Variants in EPHB3 observed in about 807,000 individuals in gnomAD.
EPHB3 encodes ephrin type-B receptor 3.
EPHB3 carries 33 observed loss-of-function variants against 100.2 expected under a neutral mutation model. That is an observed-to-expected ratio of 0.33 (90% CI 0.25 to 0.44). The LOEUF is 0.44. Ranked by LOEUF, EPHB3 falls within the 20% of genes least tolerant of loss-of-function variation. The pLI, the probability that EPHB3 is intolerant of heterozygous loss-of-function variation, is 1.00. For synonymous variants in EPHB3, 526 were observed against 554.7 expected, an observed-to-expected ratio of 0.95 and a Z score of 0.73; for missense variants, 1,045 against 1,378.3, an observed-to-expected ratio of 0.76 and a Z score of 3.83.
At chr3:184,568,262 C>T (rs545303320) in intron 1 of EPHB3, among the ~76,000 whole-genome samples, 1 of 152,314 alleles carries the variant, frequency 6.6e-6, no homozygotes, top group East Asian at 1.9e-4. Flanking sequence ...GGCCTGGTGA[C>T]TACCTCCCTG....
rs907276705 is a variant in EPHB3 at position 184,568,116 on chromosome 3, G to A, written c.119-3202G>A. On this transcript the variant is annotated intron_variant, in intron 1 of 15. Coordinates refer to ENST00000330394, the MANE Select transcript of EPHB3 (RefSeq NM_004443.4). ...CAGCCCCCAGGACTGGATGCTGCGC[G>A]TGCATCTGTGTGTTTGTGCATGGGT... Among the ~76,000 whole-genome samples, 6 of 152,214 alleles carry A rather than the reference G, an allele frequency of 3.9e-5. No homozygotes were observed. The East Asian group carries it at 9.7e-4, about 25-fold the overall frequency.
rs1032219315 is a variant in EPHB3 at position 184,563,325 on chromosome 3, T to G, written c.118+972T>G. Among the ~76,000 whole-genome samples, 1 of 152,042 alleles carries G rather than the reference T, an allele frequency of 6.6e-6. No homozygotes were observed. Among genetic ancestry groups the G allele is most frequent in the African/African-American group, 2.4e-5 (1 of 41,386 alleles). On this transcript the variant is annotated intron_variant, in intron 1 of 15. Coordinates refer to ENST00000330394, the MANE Select transcript of EPHB3 (RefSeq NM_004443.4). This position sits in a 1 kb window ranked among gnomAD's most constrained non-coding sequence, Gnocchi z 4.1. ...AATGAGAGAGGGTCAGAACCTTCCC[T>G]AAAGTGGAGGGAGGGACGCCACAGA...
At chr3:184,566,439 G>A (rs534890978) in intron 1 of EPHB3, among the ~76,000 whole-genome samples, 27 of 152,370 alleles carry the variant, frequency 1.8e-4, no homozygotes, top group African/African-American at 6.5e-4. Flanking sequence ...CCAAGGGGCT[G>A]TGGCAGGAAA....
chr3:184,568,594 C>A (rs1029997616), intron 1 of EPHB3, among the ~76,000 whole-genome samples: 2 of 97,274 alleles, frequency 2.1e-5, no homozygotes, highest in Admixed American at 1.7e-4. Flanking sequence ...GTTCTATGAC[C>A]CCCCCCCCAC....
rs1286645585 is a variant in EPHB3 at position 184,580,719 on chromosome 3, C to A, written c.2389-10C>A. The A allele has an allele frequency of 6.2e-7, 1 of 1,613,364 alleles. No individual in the cohort carries two copies. The highest frequency in any genetic ancestry group is 1.3e-5 in the African/African-American group (1 of 74,912). On this transcript the variant is annotated splice_polypyrimidine_tract_variant and intron_variant, in intron 12 of 15. Coordinates refer to ENST00000330394, the MANE Select transcript of EPHB3 (RefSeq NM_004443.4). ...GTCACAGGGTGAAGGGCCTGTGCCC[C>A]CCTCACCAGGGCGGGAAGATCCCCA... is the stretch of plus-strand genomic sequence containing the variant.
At position 184,571,619 on chromosome 3, in the gene EPHB3, A is replaced by AGCTCCC. The variant is rs1478335800; in HGVS notation, c.183+244_183+249dup. On this transcript the variant is annotated intron_variant, in intron 2 of 15. Coordinates refer to ENST00000330394, the MANE Select transcript of EPHB3 (RefSeq NM_004443.4). This position sits in a 1 kb window ranked among gnomAD's most constrained non-coding sequence, Gnocchi z 5.0. ...ACCCCTCTGCCTGCCTGTGCCCCCC[A>AGCTCCC]GCTCCCGCTCCCTCTCCCTCTCTTC... Among the ~76,000 whole-genome samples the AGCTCCC allele has an allele frequency of 6.6e-6, 1 of 151,128 alleles. No homozygotes were observed. Among genetic ancestry groups the AGCTCCC allele is most frequent in the Non-Finnish European group, 1.5e-5 (1 of 67,732 alleles).
rs946839436 is a variant in EPHB3, at chr3:184,565,285, T to C, written c.118+2932T>C. 2.6e-5 allele frequency among the ~76,000 whole-genome samples: 4 copies of C among 152,116 alleles called. No individual in the cohort carries two copies. Among genetic ancestry groups the C allele is most frequent in the African/African-American group, 9.7e-5 (4 of 41,410 alleles). On this transcript the variant is annotated intron_variant, in intron 1 of 15. Coordinates refer to ENST00000330394, the MANE Select transcript of EPHB3 (RefSeq NM_004443.4). The surrounding 1 kb of genome is among the most constrained non-coding windows in gnomAD (Gnocchi z 4.8). ...AGGGCCACCTTGTCACCCACTGGTCTTTTGAGTAATGTTCCCCAGTTCCCC... is the reference window on the plus strand; with the variant it reads ...AGGGCCACCTTGTCACCCACTGGTCCTTTGAGTAATGTTCCCCAGTTCCCC...
chr3:184,562,217 T>A lies in EPHB3; in HGVS notation c.-19T>A. The A allele has an allele frequency of 1.4e-6, 1 of 732,210 alleles. No homozygotes were observed. Among genetic ancestry groups the A allele is most frequent in the African/African-American group, 1.9e-5 (1 of 52,654 alleles). 45.4% of individuals were successfully genotyped at this position (732,210 alleles called of 1,614,324 possible). A position where few individuals can be genotyped will look rare whatever the true frequency, so the allele number is the denominator to read the frequency against. Reference sequence around the variant, plus strand: ...CCGGCCCGGCGCGGCCCGGCTCGGCTCCTAGAGCTGCCACGGCCATGGCCA... The same window carrying A: ...CCGGCCCGGCGCGGCCCGGCTCGGCACCTAGAGCTGCCACGGCCATGGCCA... On this transcript the variant is annotated 5_prime_UTR_variant, in exon 1 of 16. Coordinates refer to ENST00000330394, the MANE Select transcript of EPHB3 (RefSeq NM_004443.4). The surrounding 1 kb of genome is among the most constrained non-coding windows in gnomAD (Gnocchi z 4.8).
In EPHB3 at chr3:184,581,242, T is replaced by G; in HGVS notation, c.2733-11T>G. ...TTCAAGACTCACCAGGTCCTTCTCT[T>G]CTTCCCACAGCATGTCACAGCCCCT... On this transcript the variant is annotated splice_polypyrimidine_tract_variant and intron_variant, in intron 14 of 15. Transcript: ENST00000330394. The G allele has an allele frequency of 3.8e-6, 6 of 1,597,730 alleles. No individual in the cohort carries two copies. The highest frequency in any genetic ancestry group is 5.1e-6 in the Non-Finnish European group (6 of 1,170,390).
rs760394404 is a variant in EPHB3 at position 184,579,451 on chromosome 3, C to G, written c.1802-26C>G. On this transcript the variant is annotated intron_variant, in intron 9 of 15. Transcript: ENST00000330394. The surrounding 1 kb of genome is among the most constrained non-coding windows in gnomAD (Gnocchi z 5.2). Reference sequence around the variant, plus strand: ...GGAGAGGCTGGCTTGACGTTACCCTCTCACGCCCACCTCTTCTCCCTCCAG... The same window carrying G: ...GGAGAGGCTGGCTTGACGTTACCCTGTCACGCCCACCTCTTCTCCCTCCAG... 1.9e-6 allele frequency: 3 copies of G among 1,609,690 alleles called. No homozygotes were observed. Among genetic ancestry groups the G allele is most frequent in the Non-Finnish European group, 2.5e-6 (3 of 1,176,482 alleles).
chr3:184,563,163 G>A lies in EPHB3; in HGVS notation c.118+810G>A, dbSNP rs887777117. On this transcript the variant is annotated intron_variant, in intron 1 of 15. Transcript: ENST00000330394. The surrounding 1 kb of genome is among the most constrained non-coding windows in gnomAD (Gnocchi z 4.1). Reference sequence around the variant, plus strand: ...GTACTTGGATGAACAGCCCGGCGTTGTTGGCGCTGGCAGGAGAGCTCACAC... The same window carrying A: ...GTACTTGGATGAACAGCCCGGCGTTATTGGCGCTGGCAGGAGAGCTCACAC... Among the ~76,000 whole-genome samples the A allele has an allele frequency of 6.6e-6, 1 of 152,240 alleles. No homozygotes were observed. Among genetic ancestry groups the A allele is most frequent in the African/African-American group, 2.4e-5 (1 of 41,458 alleles).
chr3:184,580,252 A>G, intron 11 of EPHB3, 150 bp from the exon 12 acceptor site: 1 of 967,218 alleles, frequency 1.0e-6, no homozygotes, highest in South Asian at 1.5e-5. Context: ...CTTGACACAT[A>G]GTAGGGCAGC....
chr3:184,562,477 T>G lies in EPHB3; in HGVS notation c.118+124T>G. On this transcript the variant is annotated intron_variant, in intron 1 of 15. Coordinates refer to ENST00000330394, the MANE Select transcript of EPHB3 (RefSeq NM_004443.4). This position sits in a 1 kb window ranked among gnomAD's most constrained non-coding sequence, Gnocchi z 4.8. Reference sequence around the variant, plus strand: ...AGGAGGCCCCGCCACCGGCGCCCGCTCCGGGGCCCAGGGATGGGGTGGGGA... The same window carrying G: ...AGGAGGCCCCGCCACCGGCGCCCGCGCCGGGGCCCAGGGATGGGGTGGGGA... The G allele has an allele frequency of 8.9e-7, 1 of 1,119,566 alleles. No individual in the cohort carries two copies. Among genetic ancestry groups the G allele is most frequent in the African/African-American group, 1.7e-5 (1 of 60,262 alleles). The allele number at this position is 1,119,566 out of a possible 1,614,324, so 69.4% of individuals were successfully genotyped here.
Position 184,569,360 on chromosome 3 carries a change from T to A in EPHB3, c.119-1958T>A, listed in dbSNP as rs919315870. Among the ~76,000 whole-genome samples the A allele has an allele frequency of 6.6e-6, 1 of 152,000 alleles. No homozygotes were observed. Among genetic ancestry groups the A allele is most frequent in the African/African-American group, 2.4e-5 (1 of 41,396 alleles). Reference sequence around the variant, plus strand: ...GCGTCTCTCGGTCTCCCTGTCTTTGTAGTCAGCCGCCGGCCATCCCGGCTG... The same window carrying A: ...GCGTCTCTCGGTCTCCCTGTCTTTGAAGTCAGCCGCCGGCCATCCCGGCTG... On this transcript the variant is annotated intron_variant, in intron 1 of 15. Transcript: ENST00000330394. The surrounding 1 kb of genome is among the most constrained non-coding windows in gnomAD (Gnocchi z 5.4).
At position 184,569,252 on chromosome 3, in the gene EPHB3, G is replaced by T. The variant is rs1169719458; in HGVS notation, c.119-2066G>T. On this transcript the variant is annotated intron_variant, in intron 1 of 15. Transcript: ENST00000330394. This position sits in a 1 kb window ranked among gnomAD's most constrained non-coding sequence, Gnocchi z 5.4. ...GGGGCAGGGCGCGCTTGCTCTGCCG[G>T]CTCCCGGGACTGACACTCGCGCTGC... 6.6e-6 allele frequency among the ~76,000 whole-genome samples: 1 copy of T among 151,924 alleles called. No homozygotes were observed. Among genetic ancestry groups the T allele is most frequent in the Non-Finnish European group, 1.5e-5 (1 of 67,944 alleles).
Position 184,569,334 on chromosome 3 carries a change from C to T in EPHB3, c.119-1984C>T, listed in dbSNP as rs1201706583. 1.3e-5 allele frequency among the ~76,000 whole-genome samples: 2 copies of T among 152,098 alleles called. No individual in the cohort carries two copies. The highest frequency in any genetic ancestry group is 2.4e-5 in the African/African-American group (1 of 41,432). On this transcript the variant is annotated intron_variant, in intron 1 of 15. Transcript: ENST00000330394. This position sits in a 1 kb window ranked among gnomAD's most constrained non-coding sequence, Gnocchi z 5.4. ...CTCTGTCCCTGTCTCCTCGGGCCTC[C>T]GCGTCTCTCGGTCTCCCTGTCTTTG...
rs529974454 is a variant in EPHB3, at chr3:184,577,606, T to C, written c.1480-52T>C. The C allele has an allele frequency of 1.3e-6, 2 of 1,570,480 alleles. No individual in the cohort carries two copies. Among genetic ancestry groups the C allele is most frequent in the African/African-American group, 2.7e-5 (2 of 74,384 alleles). On this transcript the variant is annotated intron_variant, in intron 6 of 15. Coordinates refer to ENST00000330394, the MANE Select transcript of EPHB3 (RefSeq NM_004443.4). This position sits in a 1 kb window ranked among gnomAD's most constrained non-coding sequence, Gnocchi z 4.9. ...GGCAGGCCTGGGTGTGAATAGGGGC[T>C]GGTTGGCCTCAGGACCCACCTGAGG...
In EPHB3 at chr3:184,572,717, T is replaced by C; in HGVS notation, c.397T>C (p.Phe133Leu). 6.2e-7 allele frequency: 1 copy of C among 1,612,924 alleles called. No homozygotes were observed. The highest frequency in any genetic ancestry group is 1.1e-5 in the South Asian group (1 of 90,902). Residue 133 changes from phenylalanine (F) to leucine (L), a missense_variant, in exon 3 of 16, where the codon TTC becomes CTC. By Grantham distance (22) the Phe-to-Leu change is conservative (BLOSUM62 0). Transcript: ENST00000330394. The surrounding 1 kb of genome is among the most constrained non-coding windows in gnomAD (Gnocchi z 6.6). The part of the protein sequence containing the change: ...PGSCKETFNL[F>L]YYEADSDVAS... Reference sequence around the variant, plus strand: ...CTCCTGCAAGGAGACCTTCAACCTCTTCTACTACGAGGCTGACAGCGATGT... The same window carrying C: ...CTCCTGCAAGGAGACCTTCAACCTCCTCTACTACGAGGCTGACAGCGATGT...
At chr3:184,580,920 G>C in intron 13 of EPHB3, 42 bp downstream of exon 13, 1 of 1,608,024 alleles carries the variant, frequency 6.2e-7, no homozygotes, top group Non-Finnish European at 8.5e-7. Context: ...GGTGGGTGCT[G>C]GCTGGGGATC....
Sources: allele counts gnomAD v4.1 joint callset (sites outside exome capture counted in the v4.1 genomes callset), GRCh38; gene constraint gnomAD v4.1.1; non-coding constraint Gnocchi (gnomAD v3.1); transcripts MANE v1.5; gene names NCBI Gene and HGNC (gene_info 2026-07-23, HGNC 2026-07-21).